Variants in MPRIP observed in about 807,000 individuals in gnomAD.
The protein encoded by MPRIP is myosin phosphatase Rho-interacting protein.
MPRIP carries 59 observed loss-of-function variants against 234.9 expected under a neutral mutation model. The observed-to-expected ratio is 0.25, with a 90% confidence interval of 0.20 to 0.31. The LOEUF (loss-of-function observed/expected upper bound fraction) is 0.31, where lower values mean the gene tolerates loss of function less well. Among genes scored for constraint, MPRIP ranks in the 10% least tolerant of loss-of-function variants. The pLI, the probability that MPRIP is intolerant of heterozygous loss-of-function variation, is 1.00. For synonymous variants in MPRIP, 1,144 were observed against 1,263.9 expected (o/e 0.91, Z 2.01); for missense variants, 2,436 against 3,071.0 (o/e 0.79, Z 4.89).
intron 3 of MPRIP, among the ~76,000 whole-genome samples, chr17:17,085,229 G>C (rs759654843): frequency 5.9e-5 from 9 of 152,168 alleles, no homozygotes; most frequent in Non-Finnish European, 8.8e-5. Flanking sequence ...GGGCTATTCG[G>C]ACCACAGGAA....
At chr17:17,057,968 G>C (rs564291198) in intron 1 of MPRIP, 3 of 439,592 alleles carry the variant, frequency 6.8e-6, no homozygotes, top group African/African-American at 6.0e-5. Flanking sequence ...CCCAACTTAA[G>C]AAAGAGAACA....
intron 16 of MPRIP, among the ~76,000 whole-genome samples, chr17:17,169,769 G>A (rs2144657326): frequency 6.6e-6 from 1 of 152,334 alleles, no homozygotes; most frequent in East Asian, 1.9e-4. Context: ...TTGGGGACAG[G>A]GTCTTGGCCT....
At chr17:17,069,958 G>C (rs1240978183) in intron 1 of MPRIP, among the ~76,000 whole-genome samples, 1 of 152,010 alleles carries the variant, frequency 6.6e-6, no homozygotes, top group African/African-American at 2.4e-5. Flanking sequence ...ACTTCTCTTA[G>C]TTTTCCTTCA....
At position 17,167,764 on chromosome 17, in the gene MPRIP, G is replaced by A; in HGVS notation, c.6173G>A (p.Gly2058Glu). ...APAPNWQATQ[G>E]EADSMTGLRE... Reference sequence around the variant, plus strand: ...GCCCCCAACTGGCAGGCCACCCAGGGAGAGGCTGACTCCATGACGGGGCTG... The same window carrying A: ...GCCCCCAACTGGCAGGCCACCCAGGAAGAGGCTGACTCCATGACGGGGCTG... The change falls in exon 16 of 24, where the codon GGA (glycine) becomes GAA (glutamate). Residue 2058 changes from glycine to glutamate, a missense_variant. Physicochemically the swap from Gly to Glu is moderately conservative, Grantham distance 98 (BLOSUM62 -2). This residue lies in a region of MPRIP where 1,998 missense variants were observed against 2,520.3 expected (regional missense o/e 0.79). Coordinates refer to ENST00000651222, the MANE Select transcript of MPRIP (RefSeq NM_001364716.4). This position sits in a 1 kb window ranked among gnomAD's most constrained non-coding sequence, Gnocchi z 5.9. 7.7e-7 allele frequency: 1 copy of A among 1,304,196 alleles called. No homozygotes were observed. Among genetic ancestry groups the A allele is most frequent in the Non-Finnish European group, 1.0e-6 (1 of 988,940 alleles). The allele number at this position is 1,304,196 out of a possible 1,614,324, so 80.8% of individuals were successfully genotyped here.
intron 1 of MPRIP, among the ~76,000 whole-genome samples, chr17:17,054,074 G>T (rs556615006): frequency 6.6e-6 from 1 of 152,216 alleles, no homozygotes; most frequent in African/African-American, 2.4e-5. Context: ...TCTAAATAAA[G>T]ATCCAAAGTA....
chr17:17,159,088 A>G (rs2045805102), intron 14 of MPRIP, 86 bp downstream of exon 14: 6 of 1,390,534 alleles, frequency 4.3e-6, no homozygotes, highest in Non-Finnish European at 5.9e-6. Flanking sequence ...TGAGGGGTTC[A>G]TCTAGACAGT....
intron 3 of MPRIP, among the ~76,000 whole-genome samples, chr17:17,087,614 G>A (rs1158896594): frequency 1.3e-5 from 2 of 152,190 alleles, no homozygotes; most frequent in East Asian, 1.9e-4. Flanking sequence ...TTCCTAACCC[G>A]AGGACACCTG....
chr17:17,044,639 C>T lies in MPRIP; in HGVS notation c.123+1668C>T, dbSNP rs139749033. Among the ~76,000 whole-genome samples the T allele has an allele frequency of 9.1e-3, 1,391 of 152,218 alleles. 13 individuals are homozygous for T. The highest frequency in any genetic ancestry group is 0.017 in the Middle Eastern group (5 of 294). On this transcript the variant is annotated intron_variant, in intron 1 of 23. Coordinates refer to ENST00000651222, the MANE Select transcript of MPRIP (RefSeq NM_001364716.4). ...TAAGTTTCCTGGTTATTCTAAGCAA[C>T]TGTCAAAATTGGTAAATTTACACCT...
intron 3 of MPRIP, among the ~76,000 whole-genome samples, chr17:17,104,086 T>A (rs368215663): frequency 7.9e-5 from 12 of 152,212 alleles, no homozygotes; most frequent in African/African-American, 2.9e-4. Flanking sequence ...GTGTCAGATA[T>A]TCATGTGACA....
chr17:17,136,628 C>T (rs1322616185), intron 6 of MPRIP, among the ~76,000 whole-genome samples, 178 bp downstream of exon 6: 1 of 152,224 alleles, frequency 6.6e-6, no homozygotes, highest in African/African-American at 2.4e-5. Flanking sequence ...TTCCCGGGCT[C>T]CAGTCTTGGC....
In MPRIP at chr17:17,126,766, G is replaced by A. The variant is rs768442803; in HGVS notation, c.332G>A (p.Gly111Asp). 6.2e-7 allele frequency: 1 copy of A among 1,614,220 alleles called. No homozygotes were observed. Among genetic ancestry groups the A allele is most frequent in the Admixed American group, 1.7e-5 (1 of 60,032 alleles). Residue 111 changes from glycine (G) to aspartate (D), a missense_variant, in exon 4 of 24, where the codon GGC becomes GAC. Physicochemically the swap from Gly to Asp is moderately conservative, Grantham distance 94. This residue lies in a region of MPRIP where 140 missense variants were observed against 207.3 expected (regional missense o/e 0.68). Transcript: ENST00000651222. ...NQCTDVVDGEGRTGQKFSLCI... is the reference protein window; with the variant it reads ...NQCTDVVDGEDRTGQKFSLCI... Reference sequence around the variant, plus strand: ...TGCACAGATGTGGTGGATGGGGAGGGCCGCACGGGCCAGAAGTTCTCCCTG... The same window carrying A: ...TGCACAGATGTGGTGGATGGGGAGGACCGCACGGGCCAGAAGTTCTCCCTG...
intron 17 of MPRIP, among the ~76,000 whole-genome samples, chr17:17,172,334 T>C (rs2046157516): frequency 6.6e-6 from 1 of 152,254 alleles, no homozygotes; most frequent in East Asian, 1.9e-4. Context: ...GCCACCTCAG[T>C]GGTTTGTTAA....
chr17:17,051,510 AG>A (rs1173548966), intron 1 of MPRIP, among the ~76,000 whole-genome samples: 2 of 152,058 alleles, frequency 1.3e-5, no homozygotes. Flanking sequence ...AGGCAGCCAA[AG>A]CCTGGAGCTT....
intron 3 of MPRIP, among the ~76,000 whole-genome samples, chr17:17,080,797 C>T (rs1220446838): frequency 2.0e-5 from 3 of 152,214 alleles, no homozygotes; most frequent in Non-Finnish European, 4.4e-5. Flanking sequence ...ATTAGCTCTG[C>T]TCTTAAACAG....
intron 5 of MPRIP, among the ~76,000 whole-genome samples, chr17:17,132,582 G>A (rs1417268122): frequency 1.3e-5 from 2 of 152,212 alleles, no homozygotes; most frequent in Non-Finnish European, 2.9e-5. Flanking sequence ...CAGCCCACGG[G>A]CTACAGAGGT....
chr17:17,172,921 G>A, intron 18 of MPRIP, 106 bp downstream of exon 18: 1 of 1,049,842 alleles, frequency 9.5e-7, no homozygotes, highest in Non-Finnish European at 1.4e-6. Context: ...TCCAGAAGTG[G>A]GGCCTGGGGC....
At chr17:17,052,843 T>C (rs149413643) in intron 1 of MPRIP, among the ~76,000 whole-genome samples, 81 of 152,256 alleles carry the variant, frequency 5.3e-4, no homozygotes, top group Non-Finnish European at 1.1e-3. Context: ...AATCAGGAAA[T>C]AGCTTTGTCC....
intron 1 of MPRIP, among the ~76,000 whole-genome samples, chr17:17,060,862 G>A (rs1049935462): frequency 6.6e-6 from 1 of 152,202 alleles, no homozygotes; most frequent in Admixed American, 6.5e-5. Context: ...ACAACTGTGT[G>A]GCTGTAGAGC....
Position 17,164,500 on chromosome 17 carries a change from C to T in MPRIP, c.2909C>T (p.Thr970Met), listed in dbSNP as rs538122827. Residue 970 changes from threonine to methionine, a missense_variant, in exon 16 of 24, where the codon ACG becomes ATG. Physicochemically the swap from Thr to Met is moderately conservative, Grantham distance 81. Coordinates refer to ENST00000651222, the MANE Select transcript of MPRIP (RefSeq NM_001364716.4). ...GCTGAGGCCCTGCTGCTGGAGAAGACGCAGGAGCTACGGGGCCTGGAGACA... is the reference window on the plus strand; with the variant it reads ...GCTGAGGCCCTGCTGCTGGAGAAGATGCAGGAGCTACGGGGCCTGGAGACA... ...KSAEALLLEK[T>M]QELRGLETQQ... 3 of 1,211,676 alleles carry T rather than the reference C, an allele frequency of 2.5e-6. No individual in the cohort carries two copies. Among genetic ancestry groups the T allele is most frequent in the South Asian group, 3.0e-5 (2 of 65,876 alleles). 75.1% of individuals were successfully genotyped at this position (1,211,676 alleles called of 1,614,324 possible). A position where few individuals can be genotyped will look rare whatever the true frequency, so the allele number is the denominator to read the frequency against.
Sources: allele counts gnomAD v4.1 joint callset (sites outside exome capture counted in the v4.1 genomes callset), GRCh38; gene constraint gnomAD v4.1.1; regional missense constraint gnomAD v4.1.1; non-coding constraint Gnocchi (gnomAD v3.1); transcripts MANE v1.5; gene names NCBI Gene and HGNC (gene_info 2026-07-23, HGNC 2026-07-21).